Variants in PPP2R3A observed in about 807,000 individuals in gnomAD.
PPP2R3A encodes the protein serine/threonine-protein phosphatase 2A regulatory subunit B'' subunit alpha.
A neutral mutation model predicts 106.9 loss-of-function variants in PPP2R3A; 80 were observed. The ratio of observed to expected loss-of-function variants is 0.75; its 90% CI spans 0.62 to 0.90. The LOEUF (loss-of-function observed/expected upper bound fraction) is 0.90, where lower values mean the gene tolerates loss of function less well. Ranked by LOEUF, PPP2R3A falls within the 40% of genes least tolerant of loss-of-function variation. The pLI is 0.00. For synonymous variants in PPP2R3A, 483 were observed against 468.3 expected (o/e 1.03, Z -0.41); for missense variants, 1,386 against 1,350.4 (o/e 1.03, Z -0.41).
At chr3:136,132,008 G>T (rs531671627) in intron 13 of PPP2R3A, among the ~76,000 whole-genome samples, 1 of 144,572 alleles carries the variant, frequency 6.9e-6, no homozygotes, top group Admixed American at 7.1e-5. Flanking sequence ...ACCAGGGCCT[G>T]TCAGGGGGTG....
At position 136,082,286 on chromosome 3, in the gene PPP2R3A, G is replaced by C; in HGVS notation, c.2653G>C (p.Glu885Gln). ...FLQTLALLEEEEDINQITDYF... is the reference protein window; with the variant it reads ...FLQTLALLEEQEDINQITDYF... ...TCAGACCCTAGCACTTTTGGAAGAAGAGGAAGATATAAACCAAATTACAGA... is the reference window on the plus strand; with the variant it reads ...TCAGACCCTAGCACTTTTGGAAGAACAGGAAGATATAAACCAAATTACAGA... The change falls in exon 8 of 14, where the codon GAG becomes CAG. Residue 885 changes from glutamate to glutamine, a missense_variant. Glu to Gln is a conservative substitution (Grantham distance 29, BLOSUM62 2). Coordinates refer to ENST00000264977, the MANE Select transcript of PPP2R3A (RefSeq NM_002718.5). 1 of 1,590,314 alleles carries C rather than the reference G, an allele frequency of 6.3e-7. No individual in the cohort carries two copies. Among genetic ancestry groups the C allele is most frequent in the Non-Finnish European group, 8.6e-7 (1 of 1,158,726 alleles).
Position 136,003,049 on chromosome 3 carries a change from A to G in PPP2R3A, c.1551A>G (p.Glu517=). The G allele has an allele frequency of 3.1e-6, 5 of 1,612,828 alleles. No homozygotes were observed. Among genetic ancestry groups the G allele is most frequent in the Non-Finnish European group, 4.2e-6 (5 of 1,179,672 alleles). Residue 517 remains glutamate, a synonymous_variant, in exon 2 of 14, where the codon GAA becomes GAG. Coordinates refer to ENST00000264977, the MANE Select transcript of PPP2R3A (RefSeq NM_002718.5). Reference sequence around the variant, plus strand: ...TAGATAAATTGTTAATGGATTTGGAATCTTTTTCACAGAAGATGGAGACCT... The same window carrying G: ...TAGATAAATTGTTAATGGATTTGGAGTCTTTTTCACAGAAGATGGAGACCT... ...EEIDKLLMDL[E]SFSQKMETSL...
chr3:136,073,381 C>A (rs531797838), intron 6 of PPP2R3A, among the ~76,000 whole-genome samples: 75 of 152,308 alleles, frequency 4.9e-4, no homozygotes, highest in African/African-American at 1.8e-3. Context: ...ACAAAATGAA[C>A]TACACTGGCG....
At chr3:136,135,321 A>G (rs1473660689) in intron 13 of PPP2R3A, among the ~76,000 whole-genome samples, 1 of 152,216 alleles carries the variant, frequency 6.6e-6, no homozygotes, top group African/African-American at 2.4e-5. Flanking sequence ...CAACAGCCAC[A>G]GTCTATAGAG....
intron 1 of PPP2R3A, among the ~76,000 whole-genome samples, chr3:135,972,618 G>A (rs755957745): frequency 7.2e-5 from 11 of 152,120 alleles, no homozygotes; most frequent in South Asian, 2.1e-4. Context: ...CCACCTCCTC[G>A]CCAGCACTTT....
intron 2 of PPP2R3A, among the ~76,000 whole-genome samples, chr3:136,013,429 A>G (rs934642955): frequency 6.6e-6 from 1 of 152,136 alleles, no homozygotes; most frequent in Non-Finnish European, 1.5e-5. Flanking sequence ...AGGAATTTTC[A>G]TACTGTTTTC....
intron 2 of PPP2R3A, among the ~76,000 whole-genome samples, chr3:136,017,092 A>G (rs1464361027): frequency 1.3e-5 from 2 of 152,212 alleles, no homozygotes; most frequent in South Asian, 4.1e-4. Flanking sequence ...GTTTAGTTGG[A>G]TACAAAATTC....
chr3:136,050,409 G>A (rs1268544720), intron 5 of PPP2R3A, among the ~76,000 whole-genome samples: 4 of 152,156 alleles, frequency 2.6e-5, no homozygotes, highest in African/African-American at 9.7e-5. Flanking sequence ...AGACCTTCCT[G>A]AGGTTTCTCA....
intron 11 of PPP2R3A, among the ~76,000 whole-genome samples, 162 bp from the exon 12 acceptor site, chr3:136,103,096 T>C (rs534086752): frequency 1.3e-5 from 2 of 152,326 alleles, no homozygotes; most frequent in South Asian, 4.1e-4. Context: ...GTTTGAGAAA[T>C]TGATACCCTT....
intron 8 of PPP2R3A, chr3:136,087,403 A>G (rs1936980615): frequency 6.7e-6 from 1 of 148,454 alleles, no homozygotes; most frequent in South Asian, 2.1e-4. Context: ...GGCTTTTATA[A>G]AATGGGAATA....
chr3:136,041,002 T>C, intron 4 of PPP2R3A, 40 bp downstream of exon 4: 1 of 1,546,114 alleles, frequency 6.5e-7, no homozygotes. Context: ...AGGCAAAGAA[T>C]TGTGTGACCC....
At chr3:136,042,205 GTCAAGT>G (rs1474594194) in intron 4 of PPP2R3A, among the ~76,000 whole-genome samples, 1 of 152,106 alleles carries the variant, frequency 6.6e-6, no homozygotes, top group African/African-American at 2.4e-5. Flanking sequence ...CTAGCAGCAG[GTCAAGT>G]TCAAGTTCTT....
chr3:136,097,283 C>CAT (rs1250242736), intron 10 of PPP2R3A, among the ~76,000 whole-genome samples: 1 of 152,088 alleles, frequency 6.6e-6, no homozygotes, highest in Non-Finnish European at 1.5e-5. Flanking sequence ...ACATGTCCTG[C>CAT]ATGTATTATC....
chr3:136,021,109 A>G (rs1934450964), intron 2 of PPP2R3A, among the ~76,000 whole-genome samples: 1 of 152,082 alleles, frequency 6.6e-6, no homozygotes, highest in African/African-American at 2.4e-5. Context: ...GGTTTAATAG[A>G]ATAAGCATTA....
intron 2 of PPP2R3A, among the ~76,000 whole-genome samples, chr3:136,010,634 G>A (rs901926053): frequency 6.6e-6 from 1 of 151,970 alleles, no homozygotes; most frequent in Non-Finnish European, 1.5e-5. Context: ...CACCATGTTG[G>A]TCAGGCTGGT....
At position 136,075,234 on chromosome 3, in the gene PPP2R3A, G is replaced by T. The variant is rs76863118; in HGVS notation, c.2545-3133G>T. On this transcript the variant is annotated intron_variant, in intron 6 of 13. Transcript: ENST00000264977. ...TCAAGTTGACTAAAGATCCCTTGGT[G>T]AAAAATGGTCAGATTTCATTTATTT... Among the ~76,000 whole-genome samples, 234 of 152,274 alleles carry T rather than the reference G, an allele frequency of 1.5e-3. 8 individuals are homozygous for T. The East Asian group carries it at 0.042, about 28-fold the overall frequency.
At position 136,028,836 on chromosome 3, in the gene PPP2R3A, TTTG is replaced by T. The variant is rs546531705; in HGVS notation, c.2262+1750_2262+1752del. 1.7e-3 allele frequency among the ~76,000 whole-genome samples: 255 copies of T among 152,118 alleles called. 1 individual carries two copies. The highest frequency in any genetic ancestry group is 4.8e-3 in the South Asian group (23 of 4,816). On this transcript the variant is annotated intron_variant, in intron 3 of 13. Transcript: ENST00000264977. ...GCCAACAGGGTTGTTGTTGTTGTTT[TTTG>T]TTGTTGTTGTTTTGTTTTGTTTTGT...
At chr3:136,070,603 A>G (rs752268022) in intron 6 of PPP2R3A, 51 bp downstream of exon 6, 10 of 1,447,652 alleles carry the variant, frequency 6.9e-6, no homozygotes, top group Middle Eastern at 1.9e-4. Context: ...TCACCTTTTT[A>G]TTACCATCTG....
chr3:136,068,111 A>G (rs533993151), intron 5 of PPP2R3A, among the ~76,000 whole-genome samples: 4 of 151,786 alleles, frequency 2.6e-5, no homozygotes, highest in African/African-American at 4.8e-5. Flanking sequence ...CCAGCTACTC[A>G]GGGGGCTGAG....
Sources: allele counts gnomAD v4.1 joint callset (sites outside exome capture counted in the v4.1 genomes callset), GRCh38; gene constraint gnomAD v4.1.1; transcripts MANE v1.5; gene names NCBI Gene and HGNC (gene_info 2026-07-23, HGNC 2026-07-21).